The following CCSER2 variants were observed in gnomAD, a reference collection of about 807,000 sequenced individuals.
CCSER2 encodes coiled-coil serine rich protein 2, also known as serine-rich coiled-coil domain-containing protein 2.
Under a neutral mutation model 92.3 loss-of-function variants are expected in CCSER2, and 46 were observed. The ratio of observed to expected loss-of-function variants is 0.50; its 90% CI spans 0.39 to 0.64. The LOEUF (loss-of-function observed/expected upper bound fraction) is 0.64. Among genes scored for constraint, CCSER2 ranks in the 30% least tolerant of loss-of-function variants. The pLI is 0.00. For missense variants in CCSER2, 1,244 were observed against 1,238.9 expected, an observed-to-expected ratio of 1.00 and a Z score of -0.06; for synonymous variants, 433 against 431.4, an observed-to-expected ratio of 1.00 and a Z score of -0.04.
rs1841507091 is a variant in CCSER2 at position 84,391,338 on chromosome 10, T to G, written c.1614+17523T>G. On this transcript the variant is annotated intron_variant, in intron 3 of 9. Transcript: ENST00000372088. Reference sequence around the variant, plus strand: ...TTACTGAGTGGCCTGGCTGAAGGACTTGGAGGCAACATTGAACAGCTGGTA... The same window carrying G: ...TTACTGAGTGGCCTGGCTGAAGGACGTGGAGGCAACATTGAACAGCTGGTA... 7 of 1,430,046 alleles carry G rather than the reference T, an allele frequency of 4.9e-6. No homozygotes were observed. In the East Asian group the frequency reaches 1.6e-4, roughly 32 times the overall value. The allele number at this position is 1,430,046 out of a possible 1,614,324, so 88.6% of individuals were successfully genotyped here. A position where few individuals can be genotyped will look rare whatever the true frequency, so the allele number is the denominator to read the frequency against.
At chr10:84,501,612 T>C (rs1316798242) in intron 9 of CCSER2, among the ~76,000 whole-genome samples, 2 of 151,274 alleles carry the variant, frequency 1.3e-5, no homozygotes, top group Non-Finnish European at 2.9e-5. Flanking sequence ...GCTCTCCATT[T>C]TCAAGTGCTT....
At chr10:84,485,934 C>T (rs1847781270) in intron 9 of CCSER2, among the ~76,000 whole-genome samples, 1 of 152,164 alleles carries the variant, frequency 6.6e-6, no homozygotes, top group South Asian at 2.1e-4. Context: ...TGATGTTCCC[C>T]TTCCTGTGTC....
intron 4 of CCSER2, among the ~76,000 whole-genome samples, chr10:84,420,422 G>A (rs543348638): frequency 4.6e-5 from 7 of 152,170 alleles, no homozygotes; most frequent in Non-Finnish European, 1.0e-4. Flanking sequence ...AGATAAAATA[G>A]TATCTAGGTT....
At chr10:84,502,427 A>C (rs989046274) in intron 9 of CCSER2, among the ~76,000 whole-genome samples, 4 of 140,506 alleles carry the variant, frequency 2.8e-5, no homozygotes, top group Admixed American at 7.7e-5. Context: ...GCTGGAGTGC[A>C]GTGGCCAGAT....
At chr10:84,508,967 G>GT (rs1849211206) in intron 9 of CCSER2, among the ~76,000 whole-genome samples, 1 of 152,148 alleles carries the variant, frequency 6.6e-6, no homozygotes, top group Admixed American at 6.5e-5. Context: ...CTGAATGCTT[G>GT]TTAAGATACT....
chr10:84,445,225 C>T (rs1844837031), intron 6 of CCSER2, among the ~76,000 whole-genome samples: 2 of 152,128 alleles, frequency 1.3e-5, no homozygotes, highest in African/African-American at 4.8e-5. Context: ...GCAGTCTCGG[C>T]TCACTGCAAG....
intron 3 of CCSER2, among the ~76,000 whole-genome samples, chr10:84,408,686 C>A (rs1433386925): frequency 6.6e-6 from 1 of 152,182 alleles, no homozygotes; most frequent in African/African-American, 2.4e-5. Context: ...ACAGTGGTGA[C>A]AGTTCTCCTT....
chr10:84,396,239 A>T (rs1841828522), intron 3 of CCSER2, among the ~76,000 whole-genome samples: 1 of 150,772 alleles, frequency 6.6e-6, no homozygotes, highest in African/African-American at 2.4e-5. Context: ...TATAGTATAT[A>T]TTCATACATA....
intron 1 of CCSER2, among the ~76,000 whole-genome samples, chr10:84,344,366 TGTTA>T (rs948536513): frequency 2.6e-4 from 40 of 152,254 alleles, no homozygotes; most frequent in Admixed American, 8.5e-4. Context: ...GTTTTTTTTT[TGTTA>T]GTTTTTGCTG....
At chr10:84,359,808 ATTTTTATTTTATTTTTT>A (rs896995219) in intron 1 of CCSER2, among the ~76,000 whole-genome samples, 5 of 151,662 alleles carry the variant, frequency 3.3e-5, no homozygotes, top group Admixed American at 6.6e-5. Context: ...TTACTTTTTT[ATTTTTATTTTATTTTTT>A]TTTTCTGAGA....
At chr10:84,365,191 G>A (rs1319794329) in intron 1 of CCSER2, among the ~76,000 whole-genome samples, 3 of 152,056 alleles carry the variant, frequency 2.0e-5, no homozygotes, top group African/African-American at 7.2e-5. Context: ...GCTCACAGAT[G>A]GTATTAAAGT....
Position 84,457,286 on chromosome 10 carries a change from T to TAA in CCSER2, c.2065-6647_2065-6646insAA, listed in dbSNP as rs1304320408. Among the ~76,000 whole-genome samples the TAA allele has an allele frequency of 6.4e-4, 46 of 72,350 alleles. 1 individual carries two copies. Among genetic ancestry groups the TAA allele is most frequent in the Non-Finnish European group, 1.0e-3 (42 of 40,872 alleles). The allele number at this position is 72,350 out of a possible 152,430, so 47.5% of individuals were successfully genotyped here. A position where few individuals can be genotyped will look rare whatever the true frequency, so the allele number is the denominator to read the frequency against. ...TATATTATATATAATATATTATATATTATATATTATATATAATATGTTATA... is the reference window on the plus strand; with the variant it reads ...TATATTATATATAATATATTATATATAATATATATTATATATAATATGTTATA... On this transcript the variant is annotated intron_variant, in intron 6 of 9. Transcript: ENST00000372088.
At chr10:84,395,524 T>C (rs1002663793) in intron 3 of CCSER2, among the ~76,000 whole-genome samples, 2 of 152,194 alleles carry the variant, frequency 1.3e-5, no homozygotes, top group Non-Finnish European at 2.9e-5. Context: ...TAAGTATTGC[T>C]TTCAGGCTCT....
chr10:84,499,793 G>A (rs1848627213), intron 9 of CCSER2: 3 of 1,409,526 alleles, frequency 2.1e-6, no homozygotes, highest in South Asian at 1.2e-5. Context: ...TTATTTAAAA[G>A]TAAAACAAAG....
intron 7 of CCSER2, among the ~76,000 whole-genome samples, chr10:84,465,870 C>G (rs1446949821): frequency 6.6e-6 from 1 of 152,046 alleles, no homozygotes; most frequent in Non-Finnish European, 1.5e-5. Flanking sequence ...TCTGCCTCAG[C>G]CTCCCGAGTA....
intron 3 of CCSER2, among the ~76,000 whole-genome samples, chr10:84,382,865 A>T (rs754487419): frequency 6.6e-6 from 1 of 152,170 alleles, no homozygotes; most frequent in Non-Finnish European, 1.5e-5. Context: ...AGATCCAAAA[A>T]CTTACTTGTA....
rs1188385177 is a variant in CCSER2 at position 84,502,252 on chromosome 10, A to G, written c.2326-11197A>G. Among the ~76,000 whole-genome samples, 3 of 152,002 alleles carry G rather than the reference A, an allele frequency of 2.0e-5. 1 individual carries two copies. The highest frequency in any genetic ancestry group is 6.5e-5 in the Admixed American group (1 of 15,276). On this transcript the variant is annotated intron_variant, in intron 9 of 9. Transcript: ENST00000372088. ...GTAGTCAGATGATACTTGTCTCCAC[A>G]TTTAATCAATATGTGGGTCCTAGTA... is the stretch of plus-strand genomic sequence containing the variant.
chr10:84,345,443 T>A (rs1290120525), intron 1 of CCSER2, among the ~76,000 whole-genome samples: 6 of 152,338 alleles, frequency 3.9e-5, no homozygotes, highest in Non-Finnish European at 2.9e-5. Flanking sequence ...TACCATCTAA[T>A]CATTTTGGAT....
Position 84,484,022 on chromosome 10 carries a change from GT to G in CCSER2, c.2325+6359del, listed in dbSNP as rs1847651307. On this transcript the variant is annotated intron_variant, in intron 9 of 9. Coordinates refer to ENST00000372088, the MANE Select transcript of CCSER2 (RefSeq NM_001284240.2). ...AATTTTTTTTTTTTTTTGAGACGGA[GT>G]CTCGCTCTGTCGTGATCCTGGCTCA... 3.0e-5 allele frequency among the ~76,000 whole-genome samples: 4 copies of G among 133,678 alleles called. No individual in the cohort carries two copies. In the South Asian group the frequency reaches 9.5e-4, roughly 32 times the overall value. 87.7% of individuals were successfully genotyped at this position (133,678 alleles called of 152,430 possible). A position where few individuals can be genotyped will look rare whatever the true frequency, so the allele number is the denominator to read the frequency against.
Sources: allele counts gnomAD v4.1 joint callset (sites outside exome capture counted in the v4.1 genomes callset), GRCh38; gene constraint gnomAD v4.1.1; transcripts MANE v1.5; gene names NCBI Gene and HGNC (gene_info 2026-07-23, HGNC 2026-07-21).